The following MAGI3 variants were observed in gnomAD, a reference collection of about 807,000 sequenced individuals.
MAGI3 encodes the protein membrane-associated guanylate kinase, WW and PDZ domain-containing protein 3.
Under a neutral mutation model 121.8 loss-of-function variants are expected in MAGI3, and 43 were observed. The ratio of observed to expected loss-of-function variants is 0.35; its 90% CI spans 0.28 to 0.46. MAGI3 has a LOEUF of 0.46. Ranked by LOEUF, MAGI3 falls within the 20% of genes least tolerant of loss-of-function variation. The pLI, the probability that MAGI3 is intolerant of heterozygous loss-of-function variation, is 1.00. For missense variants in MAGI3, 1,547 were observed against 1,797.3 expected (o/e 0.86, Z 2.52); for synonymous variants, 553 against 639.3 (o/e 0.86, Z 2.04).
intron 1 of MAGI3, among the ~76,000 whole-genome samples, chr1:113,548,272 A>G (rs892324442): frequency 2.6e-5 from 4 of 152,232 alleles, no homozygotes; most frequent in African/African-American, 9.6e-5. Context: ...CTAATGAACA[A>G]TGGTTTGGAC....
chr1:113,612,877 A>G (rs1375980619), intron 6 of MAGI3, among the ~76,000 whole-genome samples: 1 of 152,174 alleles, frequency 6.6e-6, no homozygotes, highest in Non-Finnish European at 1.5e-5. Context: ...CAGATATCAA[A>G]TGGACTATTT....
At chr1:113,403,004 C>T (rs1477000090) in intron 1 of MAGI3, among the ~76,000 whole-genome samples, 1 of 152,136 alleles carries the variant, frequency 6.6e-6, no homozygotes, top group Non-Finnish European at 1.5e-5. Context: ...AATCTTTCTG[C>T]AATCCATTTA....
intron 1 of MAGI3, among the ~76,000 whole-genome samples, chr1:113,445,939 C>A (rs1298493643): frequency 2.6e-5 from 4 of 152,122 alleles, no homozygotes; most frequent in Admixed American, 2.6e-4. Flanking sequence ...TAGACAGTAA[C>A]TCACAGCTGT....
chr1:113,587,361 A>G (rs941815035), intron 4 of MAGI3, among the ~76,000 whole-genome samples: 9 of 151,992 alleles, frequency 5.9e-5, no homozygotes, highest in Non-Finnish European at 1.2e-4. Context: ...CTGCCCAGAT[A>G]ATTTTTGTAT....
chr1:113,458,151 A>T (rs564142254), intron 1 of MAGI3, among the ~76,000 whole-genome samples: 1 of 152,328 alleles, frequency 6.6e-6, no homozygotes, highest in African/African-American at 2.4e-5. Flanking sequence ...TGGAAGACAG[A>T]CAAGAAGAAA....
intron 1 of MAGI3, among the ~76,000 whole-genome samples, chr1:113,454,132 A>G (rs1365701833): frequency 1.3e-5 from 2 of 152,244 alleles, no homozygotes; most frequent in Non-Finnish European, 2.9e-5. Flanking sequence ...TATGCAAGCC[A>G]TTTATGTAGA....
At chr1:113,666,977 A>G (rs1168028324) in intron 16 of MAGI3, among the ~76,000 whole-genome samples, 1 of 152,226 alleles carries the variant, frequency 6.6e-6, no homozygotes, top group East Asian at 1.9e-4. Flanking sequence ...TCTGAGCAGT[A>G]GGTCTCAACA....
intron 1 of MAGI3, among the ~76,000 whole-genome samples, chr1:113,425,873 T>G (rs1479599947): frequency 2.0e-5 from 3 of 152,154 alleles, no homozygotes; most frequent in Admixed American, 6.5e-5. Context: ...AAGAACCAGC[T>G]TTTTGTTTAA....
chr1:113,450,203 T>C, intron 1 of MAGI3: 1 of 1,573,316 alleles, frequency 6.4e-7, no homozygotes, highest in Non-Finnish European at 8.7e-7. Context: ...TACCACACTA[T>C]TAATGGGCAT....
chr1:113,620,365 G>C (rs1227125271), intron 8 of MAGI3, among the ~76,000 whole-genome samples: 1 of 152,040 alleles, frequency 6.6e-6, no homozygotes, highest in African/African-American at 2.4e-5. Context: ...CTAATCATGT[G>C]TATTTTGAAA....
At chr1:113,580,411 C>T in intron 2 of MAGI3, 131 bp from the exon 3 acceptor site, 1 of 681,106 alleles carries the variant, frequency 1.5e-6, no homozygotes, top group South Asian at 2.9e-5. Context: ...TGAATTTTAC[C>T]TTAATAAAGT....
intron 1 of MAGI3, among the ~76,000 whole-genome samples, chr1:113,504,033 G>A (rs1280632663): frequency 6.6e-6 from 1 of 151,958 alleles, no homozygotes; most frequent in Admixed American, 6.6e-5. Context: ...AGATGTTGGA[G>A]TGCATAGAGT....
At chr1:113,437,810 T>C (rs1316872294) in intron 1 of MAGI3, among the ~76,000 whole-genome samples, 1 of 5,242 alleles carries the variant, frequency 1.9e-4, no homozygotes, top group Admixed American at 2.1e-3. Flanking sequence ...TCTTCTTTTC[T>C]TCTTCTTCTT....
In MAGI3 at chr1:113,437,733, C is replaced by G. The variant is rs1047658417; in HGVS notation, c.316+46384C>G. Among the ~76,000 whole-genome samples the G allele has an allele frequency of 2.0e-5, 3 of 150,052 alleles. No homozygotes were observed. The South Asian group carries it at 6.3e-4, about 32-fold the overall frequency. On this transcript the variant is annotated intron_variant, in intron 1 of 20. Transcript: ENST00000307546. ...GTCTTCCTCCTTCTCCTTCTTTCTT[C>G]TTCCTTTCCTCTTCTTCTTCTTCAT...
At chr1:113,594,883 C>G (rs1371103232) in intron 6 of MAGI3, among the ~76,000 whole-genome samples, 1 of 152,096 alleles carries the variant, frequency 6.6e-6, no homozygotes, top group Non-Finnish European at 1.5e-5. Flanking sequence ...TAGGCACATC[C>G]TCAACCATAA....
chr1:113,637,612 T>C (rs1246434949), intron 9 of MAGI3, among the ~76,000 whole-genome samples: 1 of 152,244 alleles, frequency 6.6e-6, no homozygotes, highest in African/African-American at 2.4e-5. Flanking sequence ...GTTAGTCTGA[T>C]GGGCTTCCCT....
At chr1:113,663,931 T>C (rs953616765) in intron 16 of MAGI3, among the ~76,000 whole-genome samples, 58 of 152,372 alleles carry the variant, frequency 3.8e-4, no homozygotes, top group African/African-American at 1.3e-3. Flanking sequence ...GTGGTTTTGA[T>C]TGGCATTTTG....
In MAGI3 at chr1:113,585,568, G is replaced by A; in HGVS notation, c.735G>A (p.Lys245=). The change falls in exon 4 of 21, where the codon AAG becomes AAA. Residue 245 remains lysine (K), a synonymous_variant. Coordinates refer to ENST00000307546, the MANE Select transcript of MAGI3 (RefSeq NM_001142782.2). ...SLPEEEEDED[K]EAINGSGNAE... The stretch of plus-strand genomic sequence containing the variant: ...CTGAAGAGGAAGAAGATGAGGACAA[G>A]GAAGCTATTAATGGCAGTGGAAACG... 6.2e-7 allele frequency: 1 copy of A among 1,614,046 alleles called. No individual in the cohort carries two copies. Among genetic ancestry groups the A allele is most frequent in the Non-Finnish European group, 8.5e-7 (1 of 1,179,964 alleles).
chr1:113,482,057 T>C (rs912663709), intron 1 of MAGI3, among the ~76,000 whole-genome samples: 1 of 151,968 alleles, frequency 6.6e-6, no homozygotes, highest in Non-Finnish European at 1.5e-5. Flanking sequence ...ATCATTAATT[T>C]ATGTAATAAA....
Sources: allele counts gnomAD v4.1 joint callset (sites outside exome capture counted in the v4.1 genomes callset), GRCh38; gene constraint gnomAD v4.1.1; transcripts MANE v1.5; gene names NCBI Gene and HGNC (gene_info 2026-07-23, HGNC 2026-07-21).